The following CACNA1C variants were observed in gnomAD, a reference collection of about 807,000 sequenced individuals.
CACNA1C encodes the protein calcium voltage-gated channel subunit alpha1 C.
In CACNA1C, 30 loss-of-function variants were observed where a neutral mutation model predicts 229.0. The ratio of observed to expected loss-of-function variants is 0.13; its 90% CI spans 0.10 to 0.18. The LOEUF is 0.18. Among genes scored for constraint, CACNA1C ranks in the 10% least tolerant of loss-of-function variants. The probability of loss-of-function intolerance (pLI) is 1.00; values close to 1 mark genes in which losing one functional copy is unlikely to be tolerated. For missense variants in CACNA1C, 1,658 were observed against 2,845.0 expected (o/e 0.58, Z 9.49); for synonymous variants, 1,114 against 1,132.5 (o/e 0.98, Z 0.33).
In CACNA1C at chr12:2,691,228, T is replaced by A. The variant is rs374635690; in HGVS notation, c.*29T>A. 1.2e-4 allele frequency: 178 copies of A among 1,513,214 alleles called. No homozygotes were observed. Among genetic ancestry groups the A allele is most frequent in the Middle Eastern group, 7.5e-4 (3 of 4,002 alleles). The allele number at this position is 1,513,214 out of a possible 1,614,324, so 93.7% of individuals were successfully genotyped here. On this transcript the variant is annotated 3_prime_UTR_variant, in exon 47 of 47. Transcript: ENST00000399655. Reference sequence around the variant, plus strand: ...GCGCTGCCAGATGCGGGCTTTTTTTTATTTGTTTCAATGTTCCTAATGGGT... The same window carrying A: ...GCGCTGCCAGATGCGGGCTTTTTTTAATTTGTTTCAATGTTCCTAATGGGT...
chr12:1,997,905 A>G (rs1471069179), intron 1 of CACNA1C: 1 of 1,552,296 alleles, frequency 6.4e-7, no homozygotes, highest in Non-Finnish European at 8.8e-7. Context: ...TTTGAAGATT[A>G]GTTTCTTTAT....
At chr12:2,571,489 A>C (rs916120485) in intron 13 of CACNA1C, among the ~76,000 whole-genome samples, 1 of 152,210 alleles carries the variant, frequency 6.6e-6, no homozygotes, top group Non-Finnish European at 1.5e-5. Context: ...ATAGAAAAGA[A>C]ATCTTGCTGC....
chr12:2,583,996 T>G (rs2061516079), intron 15 of CACNA1C, among the ~76,000 whole-genome samples: 1 of 152,110 alleles, frequency 6.6e-6, no homozygotes, highest in Non-Finnish European at 1.5e-5. Flanking sequence ...CAAAGAACTG[T>G]CTCCACTGGG....
At chr12:2,623,994 C>G (rs1222976852) in intron 29 of CACNA1C, among the ~76,000 whole-genome samples, 1 of 152,232 alleles carries the variant, frequency 6.6e-6, no homozygotes. Context: ...CAGGGAAATT[C>G]TGGCTCAAGT....
At chr12:2,489,115 T>G (rs58843321) in intron 6 of CACNA1C, among the ~76,000 whole-genome samples, 1 of 152,044 alleles carries the variant, frequency 6.6e-6, no homozygotes, top group Non-Finnish European at 1.5e-5. Flanking sequence ...TTTCTTTCTT[T>G]CTTTCTTTTT....
Position 2,479,225 on chromosome 12 carries a change from GT to G in CACNA1C, c.758-6873del, listed in dbSNP as rs1354077912. Among the ~76,000 whole-genome samples, 29 of 151,878 alleles carry G rather than the reference GT, an allele frequency of 1.9e-4. No individual in the cohort carries two copies. Among genetic ancestry groups the G allele is most frequent in the Non-Finnish European group, 1.5e-5 (1 of 67,966 alleles). On this transcript the variant is annotated intron_variant, in intron 5 of 46. Coordinates refer to ENST00000399655, the MANE Select transcript of CACNA1C (RefSeq NM_000719.7). This position sits in a 1 kb window ranked among gnomAD's most constrained non-coding sequence, Gnocchi z 4.3. The stretch of plus-strand genomic sequence containing the variant: ...AAAAATTGTTTTAAATTTTCTTTTT[GT>G]TTTTTAGAGACAGGGTCTTGTTCTG...
chr12:2,202,327 G>A (rs975356406), intron 3 of CACNA1C, among the ~76,000 whole-genome samples: 5 of 152,180 alleles, frequency 3.3e-5, no homozygotes, highest in Non-Finnish European at 5.9e-5. Flanking sequence ...CTCTTACTTT[G>A]TGTCTTTTTC....
intron 3 of CACNA1C, among the ~76,000 whole-genome samples, chr12:2,228,426 T>C (rs1820631761): frequency 6.6e-6 from 1 of 152,222 alleles, no homozygotes; most frequent in Admixed American, 6.5e-5. Flanking sequence ...AATGTCCTGA[T>C]CTGAATCTCT....
At chr12:2,579,181 G>A (rs1460111837) in intron 13 of CACNA1C, among the ~76,000 whole-genome samples, 1 of 152,072 alleles carries the variant, frequency 6.6e-6, no homozygotes, top group African/African-American at 2.4e-5. Flanking sequence ...ACATACCTGG[G>A]TCTCAGGTAT....
chr12:2,666,108 G>A lies in CACNA1C; in HGVS notation c.4526+400G>A, dbSNP rs2096077203. ...GGAGGCCAAGGCATGAGAATTGCCT[G>A]AACCTGGGAGGTGGAGGTTGCAGCG... On this transcript the variant is annotated intron_variant, in intron 36 of 46. Transcript: ENST00000399655. This position sits in a 1 kb window ranked among gnomAD's most constrained non-coding sequence, Gnocchi z 5.3. Among the ~76,000 whole-genome samples the A allele has an allele frequency of 6.6e-6, 1 of 152,234 alleles. No homozygotes were observed. The highest frequency in any genetic ancestry group is 1.5e-5 in the Non-Finnish European group (1 of 68,038).
At chr12:2,227,417 C>G (rs1370014558) in intron 3 of CACNA1C, among the ~76,000 whole-genome samples, 1 of 152,190 alleles carries the variant, frequency 6.6e-6, no homozygotes, top group Non-Finnish European at 1.5e-5. Context: ...TGACTTTTGG[C>G]AAGTTACCTA....
intron 3 of CACNA1C, among the ~76,000 whole-genome samples, chr12:2,179,615 T>C (rs2096771607): frequency 6.6e-6 from 1 of 152,138 alleles, no homozygotes; most frequent in Admixed American, 6.5e-5. Context: ...GAATATTGGC[T>C]CCAGACCTGA....
chr12:2,163,366 C>T (rs1477014969), intron 3 of CACNA1C, among the ~76,000 whole-genome samples: 1 of 152,122 alleles, frequency 6.6e-6, no homozygotes, highest in African/African-American at 2.4e-5. Flanking sequence ...ATGGCTTGGG[C>T]ACCAGGCCAG....
chr12:2,445,374 A>T (rs1162302266), intron 3 of CACNA1C, among the ~76,000 whole-genome samples: 1 of 152,208 alleles, frequency 6.6e-6, no homozygotes, highest in African/African-American at 2.4e-5. Flanking sequence ...TTTTTCCTCA[A>T]GTCTCCAGCA....
chr12:2,089,218 T>G (rs3794303), intron 1 of CACNA1C, among the ~76,000 whole-genome samples: 5,695 of 152,290 alleles, frequency 0.037, 286 homozygotes, highest in African/African-American at 0.12. Context: ...AGCCTGGGCT[T>G]CTTCCGTAAG....
intron 3 of CACNA1C, among the ~76,000 whole-genome samples, chr12:2,401,030 G>A (rs970663539): frequency 6.6e-6 from 1 of 151,662 alleles, no homozygotes; most frequent in African/African-American, 2.4e-5. Context: ...TCCCCATCTC[G>A]GCCTAGAAGC....
At chr12:2,170,481 G>C (rs2096432558) in intron 3 of CACNA1C, among the ~76,000 whole-genome samples, 1 of 152,238 alleles carries the variant, frequency 6.6e-6, no homozygotes, top group African/African-American at 2.4e-5. Flanking sequence ...GCAAGACTGG[G>C]TCTTGGCCCA....
intron 3 of CACNA1C, among the ~76,000 whole-genome samples, chr12:2,301,422 C>T (rs989463883): frequency 4.6e-5 from 7 of 152,096 alleles, no homozygotes; most frequent in Non-Finnish European, 1.0e-4. Context: ...GGCAGAATTT[C>T]GCACAGAAGG....
At chr12:2,047,696 A>G (rs931044958) in intron 1 of CACNA1C, among the ~76,000 whole-genome samples, 1 of 152,258 alleles carries the variant, frequency 6.6e-6, no homozygotes, top group African/African-American at 2.4e-5. Flanking sequence ...ACACTGTTGC[A>G]TCAGCCAGCT....
Sources: allele counts gnomAD v4.1 joint callset (sites outside exome capture counted in the v4.1 genomes callset), GRCh38; gene constraint gnomAD v4.1.1; non-coding constraint Gnocchi (gnomAD v3.1); transcripts MANE v1.5; gene names NCBI Gene and HGNC (gene_info 2026-07-23, HGNC 2026-07-21).